Variants in SYNDIG1L observed in about 807,000 individuals in gnomAD.
SYNDIG1L encodes the protein synapse differentiation inducing 1 like, also known as synapse differentiation-inducing gene protein 1-like.
In SYNDIG1L, 13 loss-of-function variants were observed where a neutral mutation model predicts 20.1. That is an observed-to-expected ratio of 0.65 (90% CI 0.42 to 1.03). The LOEUF (loss-of-function observed/expected upper bound fraction) is 1.03. Ranked by LOEUF, SYNDIG1L falls within the 50% of genes least tolerant of loss-of-function variation. The pLI is 0.00. For synonymous variants in SYNDIG1L, 128 were observed against 129.3 expected (o/e 0.99, Z 0.07); for missense variants, 294 against 305.1 (o/e 0.96, Z 0.27).
chr14:74,453,750 C>T, the SYNDIG1L span, among the ~76,000 whole-genome samples: 1 of 151,960 alleles, frequency 6.6e-6, no homozygotes, highest in Non-Finnish European at 1.5e-5. Flanking sequence ...GTAAGGAGTT[C>T]GAGACCAGCC....
At chr14:74,461,217 G>A in the SYNDIG1L span, among the ~76,000 whole-genome samples, 1 of 152,208 alleles carries the variant, frequency 6.6e-6, no homozygotes, top group Non-Finnish European at 1.5e-5. Context: ...CAAAGTGCTG[G>A]GATTACAGGC....
At chr14:74,468,131 A>G in the SYNDIG1L span, among the ~76,000 whole-genome samples, 2 of 152,080 alleles carry the variant, frequency 1.3e-5, no homozygotes, top group African/African-American at 4.8e-5. Flanking sequence ...ATGGGGTGTG[A>G]CTAGACCTTG....
chr14:74,472,133 A>C, the SYNDIG1L span: 2 of 152,216 alleles, frequency 1.3e-5, no homozygotes, highest in African/African-American at 4.8e-5. Flanking sequence ...CCTGAGAATC[A>C]GAGTTATAGA....
chr14:74,440,391 G>A, the SYNDIG1L span, among the ~76,000 whole-genome samples: 122 of 152,234 alleles, frequency 8.0e-4, no homozygotes, highest in African/African-American at 2.8e-3. Context: ...GCAGGGGCCT[G>A]TAGTCCCAGC....
In SYNDIG1L at chr14:74,407,588, C is replaced by T. The variant is rs371605968; in HGVS notation, c.664G>A (p.Val222Met). The T allele has an allele frequency of 1.4e-5, 22 of 1,614,002 alleles. No individual in the cohort carries two copies. Among genetic ancestry groups the T allele is most frequent in the Non-Finnish European group, 1.6e-5 (19 of 1,180,006 alleles). ...GCTGCCAGAGCCACCACCACAGCCA[C>T]GTAGAGACCGGCCCCCACGGCGATG... ...LAIAVGAGLY[V>M]AVVVALAAYM... Residue 222 changes from valine to methionine, a missense_variant, in exon 4 of 4, where the codon GTG (valine) becomes ATG (methionine). By Grantham distance (21) the Val-to-Met change is conservative. Coordinates refer to ENST00000331628, the MANE Select transcript of SYNDIG1L (RefSeq NM_001105579.2).
chr14:74,479,950 A>G, the SYNDIG1L span: 1 of 1,287,488 alleles, frequency 7.8e-7, no homozygotes, highest in East Asian at 4.0e-5. Context: ...TGCAGAAGAC[A>G]AGACAAACGA....
chr14:74,441,188 G>A, the SYNDIG1L span, among the ~76,000 whole-genome samples: 1,227 of 152,306 alleles, frequency 8.1e-3, 20 homozygotes, highest in African/African-American at 0.027. Flanking sequence ...ATAACATTGA[G>A]CTTTGTTTTG....
the SYNDIG1L span, chr14:74,479,866 G>A: frequency 4.0e-6 from 3 of 743,410 alleles, no homozygotes; most frequent in East Asian, 6.7e-5. Flanking sequence ...CTGGGACCAC[G>A]GAACTGGGGG....
rs116234722 is a variant in SYNDIG1L at position 74,423,177 on chromosome 14, G to A, written c.-58+2735C>T. Among the ~76,000 whole-genome samples the A allele has an allele frequency of 7.3e-3, 1,113 of 152,254 alleles. 13 individuals carry two copies. The highest frequency in any genetic ancestry group is 0.025 in the African/African-American group (1,020 of 41,542). On this transcript the variant is annotated intron_variant, in intron 1 of 3. Coordinates refer to ENST00000331628, the MANE Select transcript of SYNDIG1L (RefSeq NM_001105579.2). ...AAGGAGGGAACAAGAGGGGAACACA[G>A]GAAGCAGCCAATGGGTAGTTTTCCC... is the stretch of plus-strand genomic sequence containing the variant.
At chr14:74,456,433 G>A in the SYNDIG1L span, among the ~76,000 whole-genome samples, 1 of 152,132 alleles carries the variant, frequency 6.6e-6, no homozygotes, top group African/African-American at 2.4e-5. Flanking sequence ...AGGAGGCTGA[G>A]GCAGGAGAAT....
At chr14:74,423,938 G>A (rs1034779657) in intron 1 of SYNDIG1L, among the ~76,000 whole-genome samples, 2 of 152,048 alleles carry the variant, frequency 1.3e-5, no homozygotes, top group African/African-American at 4.8e-5. Flanking sequence ...TTGGAGGCAG[G>A]AGCCCCTCTC....
At chr14:74,420,987 A>G (rs912739427) in intron 1 of SYNDIG1L, among the ~76,000 whole-genome samples, 12 of 152,208 alleles carry the variant, frequency 7.9e-5, no homozygotes, top group Admixed American at 5.9e-4. Flanking sequence ...CTAAGTATAA[A>G]TGGACAACAA....
upstream of SYNDIG1L, among the ~76,000 whole-genome samples, chr14:74,428,220 A>G (rs139350073): frequency 5.0e-4 from 76 of 152,342 alleles, 1 homozygote; most frequent in African/African-American, 1.7e-3. Flanking sequence ...TGAAGAAACT[A>G]TAAGTGCAAT....
the SYNDIG1L span, among the ~76,000 whole-genome samples, chr14:74,463,914 G>T: frequency 6.6e-6 from 1 of 152,110 alleles, no homozygotes; most frequent in African/African-American, 2.4e-5. Context: ...ATGATTGTTG[G>T]GTAGACTGAA....
At chr14:74,465,849 A>G in the SYNDIG1L span, among the ~76,000 whole-genome samples, 3 of 152,190 alleles carry the variant, frequency 2.0e-5, no homozygotes, top group Admixed American at 1.3e-4. Flanking sequence ...TCAAAGCCCT[A>G]GGGTCAGCAG....
the SYNDIG1L span, among the ~76,000 whole-genome samples, chr14:74,432,178 T>TGAGA: frequency 0.02 from 2,614 of 129,992 alleles, 32 homozygotes; most frequent in African/African-American, 0.066. Context: ...TGTGTGTGTG[T>TGAGA]GTGAGAGAGA....
In SYNDIG1L at chr14:74,407,850, C is replaced by A; in HGVS notation, c.557G>T (p.Gly186Val). 2 of 1,611,874 alleles carry A rather than the reference C, an allele frequency of 1.2e-6. No homozygotes were observed. Among genetic ancestry groups the A allele is most frequent in the Non-Finnish European group, 1.7e-6 (2 of 1,178,904 alleles). Residue 186 changes from glycine to valine, a missense_variant and splice_region_variant, in exon 3 of 4, where the codon GGG becomes GTG. Transcript: ENST00000331628. ...GACCTGGGCCCCAGGTGCTCTTACC[C>A]CCTGGGAGAAGTAGAAGGCAGCAAT... The part of the protein sequence containing the change: ...LGIAAFYFSQ[G>V]TSKAISKGDF...
At chr14:74,416,371 C>T (rs145264080) in intron 1 of SYNDIG1L, among the ~76,000 whole-genome samples, 1 of 152,152 alleles carries the variant, frequency 6.6e-6, no homozygotes, top group African/African-American at 2.4e-5. Context: ...CATGGTGGCT[C>T]ACATCTGTAA....
At chr14:74,431,364 G>C in the SYNDIG1L span, among the ~76,000 whole-genome samples, 2 of 152,106 alleles carry the variant, frequency 1.3e-5, no homozygotes, top group African/African-American at 4.8e-5. Flanking sequence ...GTGGGTCTGG[G>C]GAGGCAGGGC....
Sources: gnomAD v4.1 joint callset for allele counts (sites outside exome capture counted in the v4.1 genomes callset) on GRCh38, gnomAD v4.1.1 for gene constraint, MANE v1.5 for transcripts, NCBI Gene and HGNC (gene_info 2026-07-23, HGNC 2026-07-21) for gene names.